LAMB4: variants seen among roughly 807,000 people sequenced by gnomAD.
The protein encoded by LAMB4 is laminin subunit beta 4.
Under a neutral mutation model 199.2 loss-of-function variants are expected in LAMB4, and 196 were observed. The observed-to-expected ratio is 0.98, with a 90% CI of 0.88 to 1.11. The LOEUF is 1.11. Among genes scored for constraint, LAMB4 ranks in the 50% least tolerant of loss-of-function variants. The pLI, the probability that LAMB4 is intolerant of heterozygous loss-of-function variation, is 0.00. For synonymous variants in LAMB4, 744 were observed against 770.6 expected (o/e 0.97, Z 0.57); for missense variants, 2,080 against 2,171.2 (o/e 0.96, Z 0.83).
At chr7:108,098,261 A>C (rs751438447) in intron 11 of LAMB4, 142 bp downstream of exon 11, 1 of 364,688 alleles carries the variant, frequency 2.7e-6, no homozygotes, top group Middle Eastern at 5.9e-4. Context: ...TGAACCTGGG[A>C]GGTGGAGGTT....
At chr7:108,098,241 G>C (rs1351361899) in intron 11 of LAMB4, among the ~76,000 whole-genome samples, 162 bp downstream of exon 11, 1 of 149,924 alleles carries the variant, frequency 6.7e-6, no homozygotes, top group Non-Finnish European at 1.5e-5. Flanking sequence ...GCTGAGGAAG[G>C]AGAATTGCTT....
chr7:108,073,248 C>T (rs1016133755), intron 17 of LAMB4, among the ~76,000 whole-genome samples: 3 of 152,194 alleles, frequency 2.0e-5, no homozygotes, highest in East Asian at 1.9e-4. Flanking sequence ...TCCGGTGATC[C>T]GCCCACCTCG....
chr7:108,026,940 G>A (rs182547927), intron 33 of LAMB4: 43 of 514,840 alleles, frequency 8.4e-5, no homozygotes, highest in Non-Finnish European at 1.2e-4. Context: ...AGAAAAGGCA[G>A]TAGAATGCCT....
At chr7:108,069,908 C>A in intron 17 of LAMB4, 23 bp from the exon 18 acceptor site, 1 of 1,592,880 alleles carries the variant, frequency 6.3e-7, no homozygotes, top group South Asian at 1.1e-5. Context: ...TGCAAAAAGA[C>A]TTAACATTCA....
chr7:108,109,388 GTATCC>G, intron 4 of LAMB4, 144 bp from the exon 5 acceptor site: 2 of 655,636 alleles, frequency 3.1e-6, no homozygotes, highest in Non-Finnish European at 2.7e-6. Context: ...TGTTGGAGTG[GTATCC>G]CATGCCACTC....
intron 32 of LAMB4, among the ~76,000 whole-genome samples, chr7:108,030,441 A>G (rs2034988054): frequency 6.6e-6 from 1 of 152,140 alleles, no homozygotes; most frequent in Non-Finnish European, 1.5e-5. Flanking sequence ...TGTTTTCTTT[A>G]TATGTTGTGT....
At chr7:108,070,914 A>G (rs1334374698) in intron 17 of LAMB4, among the ~76,000 whole-genome samples, 2 of 152,176 alleles carry the variant, frequency 1.3e-5, no homozygotes, top group Admixed American at 6.5e-5. Flanking sequence ...AACAGACCCC[A>G]GCAAAAGGCC....
At chr7:108,059,097 C>CTTTTTTT (rs57814646) in intron 23 of LAMB4, among the ~76,000 whole-genome samples, 1 of 107,842 alleles carries the variant, frequency 9.3e-6, no homozygotes, top group Non-Finnish European at 1.9e-5. Flanking sequence ...CAATCTGCCA[C>CTTTTTTT]TTTTTTTTTT....
chr7:108,042,529 G>A (rs2035454176), intron 29 of LAMB4, among the ~76,000 whole-genome samples: 1 of 151,792 alleles, frequency 6.6e-6, no homozygotes, highest in African/African-American at 2.4e-5. Flanking sequence ...CCTAGACCTG[G>A]GTCCAGTCAA....
At chr7:108,097,745 A>C (rs916710275) in intron 11 of LAMB4, among the ~76,000 whole-genome samples, 1 of 152,082 alleles carries the variant, frequency 6.6e-6, no homozygotes, top group Non-Finnish European at 1.5e-5. Flanking sequence ...TAAACAAACC[A>C]CCACTTGAAA....
chr7:108,063,821 C>T lies in LAMB4; in HGVS notation c.3001G>A (p.Ala1001Thr), dbSNP rs142967094. 2.8e-5 allele frequency: 46 copies of T among 1,614,176 alleles called. 1 individual carries two copies. Among genetic ancestry groups the T allele is most frequent in the East Asian group, 2.7e-4 (12 of 44,884 alleles). ...CCTGGTTTGCAGAGCTGGCAGTTTG[C>T]GCCCTGAGTGTTGTGCAAACATCGA... is the stretch of plus-strand genomic sequence containing the variant. ...CLRCLHNTQG[A>T]NCQLCKPGHY... is the part of the protein sequence containing the mutation. The change falls in exon 22 of 34, where the codon GCA (alanine) becomes ACA (threonine). Residue 1001 changes from alanine (A) to threonine (T), a missense_variant. By Grantham distance (58) the Ala-to-Thr change is moderately conservative. Coordinates refer to ENST00000388781, the MANE Select transcript of LAMB4 (RefSeq NM_007356.3).
chr7:108,092,266 T>C, intron 13 of LAMB4, 71 bp downstream of exon 13: 5 of 1,171,320 alleles, frequency 4.3e-6, no homozygotes, highest in Admixed American at 1.8e-5. Flanking sequence ...CCTATGACTA[T>C]GAGCGTATCA....
chr7:108,016,457 T>C, the LAMB4 span, among the ~76,000 whole-genome samples: 1 of 152,202 alleles, frequency 6.6e-6, no homozygotes, highest in Admixed American at 6.5e-5. Context: ...CTAATTTTTC[T>C]ATTTTTAGTA....
At chr7:108,118,599 C>T (rs1158072091) in intron 2 of LAMB4, among the ~76,000 whole-genome samples, 1 of 151,982 alleles carries the variant, frequency 6.6e-6, no homozygotes, top group African/African-American at 2.4e-5. Context: ...AAAAAATGAA[C>T]TGCAAGCAAA....
At chr7:108,013,907 G>A in the LAMB4 span, among the ~76,000 whole-genome samples, 1 of 152,050 alleles carries the variant, frequency 6.6e-6, no homozygotes, top group Non-Finnish European at 1.5e-5. Flanking sequence ...GATTTAAAAG[G>A]GTATGTGTGG....
chr7:108,068,982 G>A (rs74301079), intron 18 of LAMB4, among the ~76,000 whole-genome samples: 4 of 152,030 alleles, frequency 2.6e-5, no homozygotes, highest in Admixed American at 1.3e-4. Flanking sequence ...CACCATGCCC[G>A]GTCCCCCTTA....
At chr7:108,012,829 C>G in the LAMB4 span, among the ~76,000 whole-genome samples, 2 of 152,100 alleles carry the variant, frequency 1.3e-5, no homozygotes, top group Non-Finnish European at 2.9e-5. Flanking sequence ...TTGCAAAAAC[C>G]AAACCCAATT....
intron 30 of LAMB4, among the ~76,000 whole-genome samples, chr7:108,035,851 T>C (rs565701701): frequency 1.4e-5 from 2 of 143,562 alleles, no homozygotes; most frequent in East Asian, 3.9e-4. Context: ...ACATCTTTTA[T>C]CAACTTTTTT....
chr7:108,109,365 A>C, intron 4 of LAMB4, 121 bp from the exon 5 acceptor site: 1 of 724,762 alleles, frequency 1.4e-6, no homozygotes, highest in Non-Finnish European at 2.4e-6. Context: ...GCTGACGATC[A>C]CTCTTCCCAG....
Sources: allele counts gnomAD v4.1 joint callset (sites outside exome capture counted in the v4.1 genomes callset), GRCh38; gene constraint gnomAD v4.1.1; transcripts MANE v1.5; gene names NCBI Gene and HGNC (gene_info 2026-07-23, HGNC 2026-07-21).